Variants in NEB observed in about 807,000 individuals in gnomAD.
NEB encodes nebulin.
In NEB, 512 loss-of-function variants were observed where a neutral mutation model predicts 952.2. That is an observed-to-expected ratio of 0.54 (90% confidence interval 0.50 to 0.58). The LOEUF (loss-of-function observed/expected upper bound fraction) is 0.58. Among genes scored for constraint, NEB ranks in the 20% least tolerant of loss-of-function variants. The pLI is 0.00. For synonymous variants in NEB, 2,900 were observed against 3,149.8 expected, an observed-to-expected ratio of 0.92 and a Z score of 2.66; for missense variants, 8,428 against 9,231.1, an observed-to-expected ratio of 0.91 and a Z score of 3.56.
chr2:151,620,691 T>C (rs1372820264), intron 72 of NEB, among the ~76,000 whole-genome samples: 1 of 152,054 alleles, frequency 6.6e-6, no homozygotes, highest in Admixed American at 6.6e-5. Context: ...AGGCACTCAC[T>C]CCTATTGAGC....
In NEB at chr2:151,558,124, C is replaced by T. The variant is rs1163879106; in HGVS notation, c.19314+2468G>A. Among the ~76,000 whole-genome samples, 5 of 152,128 alleles carry T rather than the reference C, an allele frequency of 3.3e-5. No homozygotes were observed. The South Asian group carries it at 6.2e-4, about 19-fold the overall frequency. On this transcript the variant is annotated intron_variant, in intron 124 of 181. Transcript: ENST00000397345. ...TGATTATATATTTAGAAAACCCAAC[C>T]GTCTCAGCCCAAAATCTCCTTAAGC...
Position 151,518,984 on chromosome 2 carries a change from G to A in NEB, c.22676C>T (p.Thr7559Ile), listed in dbSNP as rs2080067943. The A allele has an allele frequency of 6.2e-7, 1 of 1,612,894 alleles. No individual in the cohort carries two copies. The highest frequency in any genetic ancestry group is 8.5e-7 in the Non-Finnish European group (1 of 1,178,956). The stretch of plus-strand genomic sequence containing the variant: ...GCTTACAGAACTGGCAAGTTGGCTT[G>A]TATTCAGGACATGATTCATGATCAG... ...ESLIMNHVLNTSQLASSYQYK... is the reference protein window; with the variant it reads ...ESLIMNHVLNISQLASSYQYK... Residue 7559 changes from threonine to isoleucine, a missense_variant, in exon 155 of 182, where the codon ACA becomes ATA. Physicochemically the swap from Thr to Ile is moderately conservative, Grantham distance 89. Coordinates refer to ENST00000397345, the MANE Select transcript of NEB (RefSeq NM_001164508.2).
chr2:151,633,267 AT>A (rs1246400044), intron 65 of NEB, among the ~76,000 whole-genome samples: 1 of 152,180 alleles, frequency 6.6e-6, no homozygotes, highest in Non-Finnish European at 1.5e-5. Flanking sequence ...TAAGCATAAT[AT>A]TTAGTGTTGC....
chr2:151,626,563 A>G (rs969609962), intron 70 of NEB, among the ~76,000 whole-genome samples: 5 of 151,246 alleles, frequency 3.3e-5, no homozygotes, highest in Non-Finnish European at 7.4e-5. Flanking sequence ...TTGAGACGGA[A>G]TCTTGCTCTG....
chr2:151,684,231 T>C (rs2099466472), intron 28 of NEB, among the ~76,000 whole-genome samples: 1 of 152,180 alleles, frequency 6.6e-6, no homozygotes, highest in Non-Finnish European at 1.5e-5. Flanking sequence ...TTTTGTCACA[T>C]TTTAAAAAAT....
chr2:151,497,876 A>G lies in NEB; in HGVS notation c.24208-158T>C, dbSNP rs904926863. 28 of 1,501,034 alleles carry G rather than the reference A, an allele frequency of 1.9e-5. No homozygotes were observed. In the East Asian group the frequency reaches 2.0e-4, roughly 11 times the overall value. 93.0% of individuals were successfully genotyped at this position (1,501,034 alleles called of 1,614,324 possible). On this transcript the variant is annotated intron_variant, in intron 170 of 181. Transcript: ENST00000397345. ...CTTTAGTGGAAGCTGTTGTTGGGATAGGGAATCTGCACCCTCTAGAGAAGC... is the reference window on the plus strand; with the variant it reads ...CTTTAGTGGAAGCTGTTGTTGGGATGGGGAATCTGCACCCTCTAGAGAAGC...
intron 27 of NEB, among the ~76,000 whole-genome samples, chr2:151,686,361 A>G (rs2099498309): frequency 6.6e-6 from 1 of 152,212 alleles, no homozygotes; most frequent in Non-Finnish European, 1.5e-5. Flanking sequence ...CAATTAACAA[A>G]TATTTATTAG....
In NEB at chr2:151,563,816, TA is replaced by T; in HGVS notation, c.18579+6del. On this transcript the variant is annotated splice_donor_region_variant and intron_variant, in intron 118 of 181. Coordinates refer to ENST00000397345, the MANE Select transcript of NEB (RefSeq NM_001164508.2). ...TCAAACTTAGGAGAGGAAAAGGTCATACTGACCTCACTGTTCACCAGATCAG... is the reference window on the plus strand; with the variant it reads ...TCAAACTTAGGAGAGGAAAAGGTCATCTGACCTCACTGTTCACCAGATCAG... The T allele has an allele frequency of 3.1e-6, 5 of 1,611,804 alleles. No individual in the cohort carries two copies. The highest frequency in any genetic ancestry group is 4.2e-6 in the Non-Finnish European group (5 of 1,178,066).
At chr2:151,712,486 T>C (rs2099747944) in intron 10 of NEB, among the ~76,000 whole-genome samples, 1 of 152,196 alleles carries the variant, frequency 6.6e-6, no homozygotes, top group Non-Finnish European at 1.5e-5. Flanking sequence ...AAGTCCTTCC[T>C]TCCTTCTTAA....
At chr2:151,610,276 A>T (rs1007014695) in intron 80 of NEB, among the ~76,000 whole-genome samples, 156 bp from the exon 81 acceptor site, 2 of 152,236 alleles carry the variant, frequency 1.3e-5, no homozygotes, top group Admixed American at 6.5e-5. Flanking sequence ...ATACTGTTTT[A>T]AAAATAATTG....
At position 151,570,323 on chromosome 2, in the gene NEB, T is replaced by C. The variant is rs2096579718; in HGVS notation, c.17188A>G (p.Asn5730Asp). The change falls in exon 109 of 182, where the codon AAC (asparagine) becomes GAC (aspartate). Residue 5730 changes from asparagine to aspartate, a missense_variant. Asn to Asp is a conservative substitution (Grantham distance 23). Coordinates refer to ENST00000397345, the MANE Select transcript of NEB (RefSeq NM_001164508.2). ...GCTATGAGGGCCCAGCGGATCTTGT[T>C]GTCATCCCTGGCTGTGAGGGTGCCC... ...YVGTLTARDD[N>D]KIRWALIADK... 1.9e-6 allele frequency: 3 copies of C among 1,607,966 alleles called. No homozygotes were observed. The highest frequency in any genetic ancestry group is 2.6e-6 in the Non-Finnish European group (3 of 1,175,452).
chr2:151,575,695 A>G lies in NEB; in HGVS notation c.17013T>C (p.Asn5671=), dbSNP rs1269194500. The part of the protein sequence containing the change: ...LARANALNVS[N]KLYREGWDEM... ...AAAGAGAGTCTGTTGTAGTACTTACATTGCTCACATTAAGAGCATTTGCTC... is the reference window on the plus strand; with the variant it reads ...AAAGAGAGTCTGTTGTAGTACTTACGTTGCTCACATTAAGAGCATTTGCTC... The change falls in exon 107 of 182, where the codon AAT becomes AAC. Residue 5671 remains asparagine (N), a splice_region_variant and synonymous_variant. Transcript: ENST00000397345. 1 of 1,572,466 alleles carries G rather than the reference A, an allele frequency of 6.4e-7. No homozygotes were observed. Among genetic ancestry groups the G allele is most frequent in the African/African-American group, 1.3e-5 (1 of 74,080 alleles).
intron 136 of NEB, among the ~76,000 whole-genome samples, chr2:151,541,170 G>T (rs775876295): frequency 2.0e-5 from 3 of 152,152 alleles, no homozygotes; most frequent in Non-Finnish European, 4.4e-5. Context: ...ATAACAGGAA[G>T]ATTCTATAGA....
At chr2:151,576,399 T>G in intron 105 of NEB, 45 bp from the exon 106 acceptor site, 4 of 1,425,550 alleles carry the variant, frequency 2.8e-6, no homozygotes, top group Non-Finnish European at 3.8e-6. Context: ...TGTTTTGTTG[T>G]GTATGTGTGT....
intron 136 of NEB, among the ~76,000 whole-genome samples, 164 bp downstream of exon 136, chr2:151,541,280 TATC>T (rs562464958): frequency 2.8e-4 from 42 of 152,304 alleles, no homozygotes; most frequent in East Asian, 1.3e-3. Context: ...CAACCATAAT[TATC>T]ATGGCCCAAA....
intron 161 of NEB, among the ~76,000 whole-genome samples, chr2:151,509,286 A>G (rs915323361): frequency 2.7e-4 from 41 of 151,934 alleles, no homozygotes; most frequent in African/African-American, 9.9e-4. Flanking sequence ...TTGTTCATGA[A>G]AAAGTCACCT....
intron 9 of NEB, among the ~76,000 whole-genome samples, chr2:151,721,061 G>C (rs1028789560): frequency 6.6e-6 from 1 of 151,836 alleles, no homozygotes; most frequent in African/African-American, 2.4e-5. Flanking sequence ...GCTCCTCTAG[G>C]GCTTCTTTCT....
intron 119 of NEB, 23 bp from the exon 120 acceptor site, chr2:151,562,831 A>G (rs1175283250): frequency 6.7e-7 from 1 of 1,492,302 alleles, no homozygotes; most frequent in African/African-American, 1.4e-5. Context: ...AAAGACAAAA[A>G]TAAGAAAGGG....
chr2:151,679,867 G>T, intron 31 of NEB, 39 bp from the exon 32 acceptor site: 1 of 1,605,536 alleles, frequency 6.2e-7, no homozygotes, highest in Non-Finnish European at 8.5e-7. Flanking sequence ...CTTAGAGACT[G>T]TGTTAGTAAA....
Sources: gnomAD v4.1 joint callset for allele counts (sites outside exome capture counted in the v4.1 genomes callset) on GRCh38, gnomAD v4.1.1 for gene constraint, MANE v1.5 for transcripts, NCBI Gene and HGNC (gene_info 2026-07-23, HGNC 2026-07-21) for gene names.